PCDH8: variants seen among roughly 807,000 people sequenced by gnomAD.
PCDH8 encodes the protein protocadherin-8.
A neutral mutation model predicts 58.2 loss-of-function variants in PCDH8; 36 were observed. The observed-to-expected ratio is 0.62, with a 90% CI of 0.47 to 0.82. The LOEUF (loss-of-function observed/expected upper bound fraction) is 0.82, where lower values mean the gene tolerates loss of function less well. Ranked by LOEUF, PCDH8 falls within the 40% of genes least tolerant of loss-of-function variation. PCDH8 has a pLI of 0.00. For synonymous variants in PCDH8, 775 were observed against 728.9 expected, an observed-to-expected ratio of 1.06 and a Z score of -1.02; for missense variants, 1,493 against 1,567.8, an observed-to-expected ratio of 0.95 and a Z score of 0.81.
rs1481940757 is a variant in PCDH8 at position 52,845,851 on chromosome 13, G to T, written c.2586C>A (p.Ala862=). The T allele has an allele frequency of 1.3e-6, 2 of 1,518,268 alleles. No individual in the cohort carries two copies. Among genetic ancestry groups the T allele is most frequent in the Non-Finnish European group, 1.8e-6 (2 of 1,140,862 alleles). The allele number at this position is 1,518,268 out of a possible 1,614,324, so 94.0% of individuals were successfully genotyped here. ...SEGGSATGES[A]CHFEGQQRLR... ...GCCGCTGCTGCCCCTCGAAGTGACA[G>T]GCGCTTTCCCCAGTGGCGCTGCCGC... Residue 862 remains alanine (A), a synonymous_variant, in exon 1 of 3, where the codon GCC becomes GCA. Coordinates refer to ENST00000377942, the MANE Select transcript of PCDH8 (RefSeq NM_002590.4).
At position 52,847,588 on chromosome 13, in the gene PCDH8, G is replaced by A; in HGVS notation, c.849C>T (p.Phe283=). 6.4e-7 allele frequency: 1 copy of A among 1,564,776 alleles called. No homozygotes were observed. The highest frequency in any genetic ancestry group is 8.6e-7 in the Non-Finnish European group (1 of 1,163,454). ...CCGGCGGGGTGCGGGCGCCAAATGC[G>A]AACACCACGTCGCCGTTAGGTCCCT... ...PDEGPNGDVV[F]AFGARTPPEA... The change falls in exon 1 of 3, where the codon TTC becomes TTT. Residue 283 remains phenylalanine, a synonymous_variant. Transcript: ENST00000377942.
rs951287731 is a variant in PCDH8, at chr13:52,846,778, C to T, written c.1659G>A (p.Ser553=). 4.5e-6 allele frequency: 7 copies of T among 1,569,980 alleles called. No individual in the cohort carries two copies. In the Admixed American group the frequency reaches 1.3e-4, roughly 28 times the overall value. The change falls in exon 1 of 3, where the codon TCG becomes TCA. Residue 553 remains serine, a synonymous_variant. Coordinates refer to ENST00000377942, the MANE Select transcript of PCDH8 (RefSeq NM_002590.4). ...RAGGAVSTYV[S]VDPATGAIYA... ...AGATGGCTCCGGTAGCTGGGTCCAC[C>T]GAGACATAAGTGGACACGGCGCCCC...
rs777955623 is a variant in PCDH8, at chr13:52,848,258, T to C, written c.179A>G (p.Asp60Gly). ...TTGCTTCATCAGGCGGAAGCTTGTG[T>C]CACCCGATACTTTCATATGCAGGTC... ...AEDLHMKVSG[D>G]TSFRLMKQFN... Residue 60 changes from aspartate (D) to glycine (G), a missense_variant, in exon 1 of 3, where the codon GAC (aspartate) becomes GGC (glycine). Physicochemically the swap from Asp to Gly is moderately conservative, Grantham distance 94. Coordinates refer to ENST00000377942, the MANE Select transcript of PCDH8 (RefSeq NM_002590.4). 3 of 1,613,688 alleles carry C rather than the reference T, an allele frequency of 1.9e-6. No individual in the cohort carries two copies. In the Admixed American group the frequency reaches 5.0e-5, roughly 27 times the overall value.
At position 52,846,958 on chromosome 13, in the gene PCDH8, G is replaced by T; in HGVS notation, c.1479C>A (p.Asn493Lys). The T allele has an allele frequency of 6.3e-7, 1 of 1,596,640 alleles. No homozygotes were observed. Among genetic ancestry groups the T allele is most frequent in the Non-Finnish European group, 8.5e-7 (1 of 1,174,552 alleles). ...AGACCGGCCGCGTGAAGAGCGGCGC[G>T]TTGTCGTTCTCGTCGCCCACACGCA... is the stretch of plus-strand genomic sequence containing the variant. ...YTVRVGDEND[N>K]APLFTRPVYE... Residue 493 changes from asparagine (N) to lysine (K), a missense_variant, in exon 1 of 3, where the codon AAC becomes AAA. By Grantham distance (94) the Asn-to-Lys change is moderately conservative. Coordinates refer to ENST00000377942, the MANE Select transcript of PCDH8 (RefSeq NM_002590.4).
At position 52,843,866 on chromosome 13, in the gene PCDH8, C is replaced by T. The variant is rs1593423494; in HGVS notation, c.*694G>A. On this transcript the variant is annotated 3_prime_UTR_variant, in exon 3 of 3. Transcript: ENST00000377942. ...CCTACAGGTTTAATATTGTCATGAA[C>T]ATTAATAATGCCCAAATAATTAGCA... is the stretch of plus-strand genomic sequence containing the variant. The T allele has an allele frequency of 6.6e-6, 1 of 152,342 alleles. No homozygotes were observed. Among genetic ancestry groups the T allele is most frequent in the East Asian group, 1.9e-4 (1 of 5,190 alleles). 9.4% of individuals were successfully genotyped at this position (152,342 alleles called of 1,614,324 possible).
At position 52,847,780 on chromosome 13, in the gene PCDH8, G is replaced by T; in HGVS notation, c.657C>A (p.Asp219Glu). 6.8e-7 allele frequency: 1 copy of T among 1,466,148 alleles called. No homozygotes were observed. The highest frequency in any genetic ancestry group is 8.9e-7 in the Non-Finnish European group (1 of 1,118,376). 90.8% of individuals were successfully genotyped at this position (1,466,148 alleles called of 1,614,324 possible). A position where few individuals can be genotyped will look rare whatever the true frequency, so the allele number is the denominator to read the frequency against. The change falls in exon 1 of 3, where the codon GAC (aspartate) becomes GAA (glutamate). Residue 219 changes from aspartate to glutamate, a missense_variant. Around this residue, in one of 3 missense-constraint regions of PCDH8, gnomAD observed 1,307 missense variants for 1,362.7 expected, o/e 0.96. Coordinates refer to ENST00000377942, the MANE Select transcript of PCDH8 (RefSeq NM_002590.4). The stretch of plus-strand genomic sequence containing the variant: ...TGGCGGAGCGCGGCGGGCGGCCGCC[G>T]TCCTGGGCCACCAGCTCCAGGCTGT... ...AAYSLELVAQDGGRPPRSATA... is the reference protein window; with the variant it reads ...AAYSLELVAQEGGRPPRSATA...
chr13:52,844,599 C>T lies in PCDH8; in HGVS notation c.3174G>A (p.Arg1058=). Residue 1058 remains arginine, a synonymous_variant, in exon 3 of 3, where the codon AGG becomes AGA. Transcript: ENST00000377942. ...GVPLYQSPPG[R]YLSPKKGANE... ...TGGCTCCCTTCTTCGGGGACAGGTA[C>T]CTGCCAGGAGGGGACTGGTAGAGGG... 2 of 1,606,188 alleles carry T rather than the reference C, an allele frequency of 1.2e-6. No individual in the cohort carries two copies. Among genetic ancestry groups the T allele is most frequent in the South Asian group, 1.1e-5 (1 of 89,978 alleles).
Position 52,844,776 on chromosome 13 carries a change from G to A in PCDH8, c.2997C>T (p.Arg999=). ...KSTSLPRDPL[R]RDNYYQAQLP... ...GCTGGGCCTGGTAGTAATTGTCCCT[G>A]CGCAGAGGATCCCGAGGCAGTGACG... Residue 999 remains arginine, a synonymous_variant, in exon 3 of 3, where the codon CGC becomes CGT. Coordinates refer to ENST00000377942, the MANE Select transcript of PCDH8 (RefSeq NM_002590.4). 1 of 1,613,474 alleles carries A rather than the reference G, an allele frequency of 6.2e-7. No homozygotes were observed. Among genetic ancestry groups the A allele is most frequent in the Non-Finnish European group, 8.5e-7 (1 of 1,179,696 alleles).
Position 52,846,870 on chromosome 13 carries a change from C to A in PCDH8, c.1567G>T (p.Asp523Tyr). 6.4e-7 allele frequency: 1 copy of A among 1,551,176 alleles called. No individual in the cohort carries two copies. The highest frequency in any genetic ancestry group is 8.7e-7 in the Non-Finnish European group (1 of 1,152,686). Reference sequence around the variant, plus strand: ...TGGCCGTTGCGGCCCAGGTCCCGGTCGCGGGCGGCCACCGTGGCCAGGTAG... The same window carrying A: ...TGGCCGTTGCGGCCCAGGTCCCGGTAGCGGGCGGCCACCGTGGCCAGGTAG... ...GAYLATVAARDRDLGRNGQVT... is the reference protein window; with the variant it reads ...GAYLATVAARYRDLGRNGQVT... Residue 523 changes from aspartate to tyrosine, a missense_variant, in exon 1 of 3, where the codon GAC becomes TAC. Asp to Tyr is a radical substitution (Grantham distance 160, BLOSUM62 -3). Transcript: ENST00000377942.
Position 52,848,343 on chromosome 13 carries a change from C to G in PCDH8, c.94G>C (p.Val32Leu), listed in dbSNP as rs983008333. 6 of 1,612,922 alleles carry G rather than the reference C, an allele frequency of 3.7e-6. No homozygotes were observed. Among genetic ancestry groups the G allele is most frequent in the African/African-American group, 2.7e-5 (2 of 74,948 alleles). Reference sequence around the variant, plus strand: ...TCCTCCTCGAAGGTGCTGTATCGGACTGTTTTGCTCTGGGCCACTGAGAGC... The same window carrying G: ...TCCTCCTCGAAGGTGCTGTATCGGAGTGTTTTGCTCTGGGCCACTGAGAGC... Reference protein sequence around the residue: ...WVLSVAQSKTVRYSTFEEDAP... With the variant: ...WVLSVAQSKTLRYSTFEEDAP... Residue 32 changes from valine (V) to leucine (L), a missense_variant, in exon 1 of 3, where the codon GTC (valine) becomes CTC (leucine). Val to Leu is a conservative substitution (Grantham distance 32). Coordinates refer to ENST00000377942, the MANE Select transcript of PCDH8 (RefSeq NM_002590.4).
Position 52,847,449 on chromosome 13 carries a change from C to A in PCDH8, c.988G>T (p.Gly330Ter), listed in dbSNP as rs1434594325. ...CAGGTGGCAGCGCGGGGCCCGGGTCCGCGGTCCTGCGCCCGCACGTCCAGC... is the reference window on the plus strand; with the variant it reads ...CAGGTGGCAGCGCGGGGCCCGGGTCAGCGGTCCTGCGCCCGCACGTCCAGC... ...YELDVRAQDRGPGPRAATCKV... is the reference protein window; with the variant it reads ...YELDVRAQDR The change falls in exon 1 of 3, where the codon GGA (glycine) becomes TGA (stop). Residue 330 changes from glycine (G) to a stop codon, truncating the protein, a stop_gained. Coordinates refer to ENST00000377942, the MANE Select transcript of PCDH8 (RefSeq NM_002590.4). LOFTEE classifies it high-confidence loss of function. The A allele has an allele frequency of 6.3e-7, 1 of 1,587,670 alleles. No homozygotes were observed. The highest frequency in any genetic ancestry group is 2.3e-5 in the East Asian group (1 of 42,604).
chr13:52,844,309 A>T lies in PCDH8; in HGVS notation c.*251T>A, dbSNP rs1026993478. 3.3e-6 allele frequency: 1 copy of T among 305,600 alleles called. No individual in the cohort carries two copies. Among genetic ancestry groups the T allele is most frequent in the Non-Finnish European group, 6.0e-6 (1 of 165,744 alleles). The allele number at this position is 305,600 out of a possible 1,614,324, so 18.9% of individuals were successfully genotyped here. A position where few individuals can be genotyped will look rare whatever the true frequency, so the allele number is the denominator to read the frequency against. Reference sequence around the variant, plus strand: ...TGTACAGGTTAAAAACACTAAGAAAATGGCAAGCCGCAATTGAAATCAAAG... The same window carrying T: ...TGTACAGGTTAAAAACACTAAGAAATTGGCAAGCCGCAATTGAAATCAAAG... On this transcript the variant is annotated 3_prime_UTR_variant, in exon 3 of 3. Coordinates refer to ENST00000377942, the MANE Select transcript of PCDH8 (RefSeq NM_002590.4).
chr13:52,846,883 C>G lies in PCDH8; in HGVS notation c.1554G>C (p.Thr518=), dbSNP rs1396071362. The G allele has an allele frequency of 6.4e-7, 1 of 1,560,632 alleles. No individual in the cohort carries two copies. Reference sequence around the variant, plus strand: ...CCAGGTCCCGGTCGCGGGCGGCCACCGTGGCCAGGTAGGCGCCTGGCGGGT... The same window carrying G: ...CCAGGTCCCGGTCGCGGGCGGCCACGGTGGCCAGGTAGGCGCCTGGCGGGT... ...ENNPPGAYLA[T]VAARDRDLGR... The change falls in exon 1 of 3, where the codon ACG becomes ACC. Residue 518 remains threonine, a synonymous_variant. Transcript: ENST00000377942.
Position 52,847,463 on chromosome 13 carries a change from C to A in PCDH8, c.974G>T (p.Arg325Leu). ...GGGCCCGGGTCCGCGGTCCTGCGCC[C>A]GCACGTCCAGCTCGTAGGTGTCCTG... ...ERQDTYELDV[R>L]AQDRGPGPRA... Residue 325 changes from arginine to leucine, a missense_variant, in exon 1 of 3, where the codon CGG (arginine) becomes CTG (leucine). Arg to Leu is a moderately radical substitution (Grantham distance 102). Transcript: ENST00000377942. 2.5e-6 allele frequency: 4 copies of A among 1,591,182 alleles called. No individual in the cohort carries two copies. Among genetic ancestry groups the A allele is most frequent in the Non-Finnish European group, 3.4e-6 (4 of 1,175,124 alleles).
rs757991606 is a variant in PCDH8 at position 52,844,291 on chromosome 13, GT to G, written c.*268del. ...AAACATTACATTACACAATGTACAG[GT>G]TAAAAACACTAAGAAAATGGCAAGC... On this transcript the variant is annotated 3_prime_UTR_variant, in exon 3 of 3. Coordinates refer to ENST00000377942, the MANE Select transcript of PCDH8 (RefSeq NM_002590.4). 1 of 270,052 alleles carries G rather than the reference GT, an allele frequency of 3.7e-6. No individual in the cohort carries two copies. The highest frequency in any genetic ancestry group is 7.0e-6 in the Non-Finnish European group (1 of 143,412). The allele number at this position is 270,052 out of a possible 1,614,324, so 16.7% of individuals were successfully genotyped here.
chr13:52,845,734 C>A (rs1965719099), intron 1 of PCDH8, 72 bp downstream of exon 1: 1 of 1,516,550 alleles, frequency 6.6e-7, no homozygotes, highest in Non-Finnish European at 8.8e-7. Context: ...CCCACCCTAC[C>A]CCTCCAGTCT....
chr13:52,845,382 G>A lies in PCDH8; in HGVS notation c.2839+43C>T, dbSNP rs764019103. The A allele has an allele frequency of 3.2e-6, 5 of 1,570,524 alleles. No homozygotes were observed. In the South Asian group the frequency reaches 5.6e-5, roughly 17 times the overall value. On this transcript the variant is annotated intron_variant, in intron 2 of 2. Coordinates refer to ENST00000377942, the MANE Select transcript of PCDH8 (RefSeq NM_002590.4). ...GAGGCAAACAGTGGTGAAGGGGAGG[G>A]AAGGGAGGAATGCCGAATTTGGCGG...
Position 52,847,240 on chromosome 13 carries a change from C to G in PCDH8, c.1197G>C (p.Ser399=), listed in dbSNP as rs764902324. 1.9e-5 allele frequency: 26 copies of G among 1,389,694 alleles called. No homozygotes were observed. The highest frequency in any genetic ancestry group is 4.0e-4 in the Middle Eastern group (2 of 4,954). 86.1% of individuals were successfully genotyped at this position (1,389,694 alleles called of 1,614,324 possible). Residue 399 remains serine (S), a synonymous_variant, in exon 1 of 3, where the codon TCG becomes TCC. Coordinates refer to ENST00000377942, the MANE Select transcript of PCDH8 (RefSeq NM_002590.4). ...CGCGCGCCGCCCCCTCCGGCACCAG[C>G]GAAGTGGCACCAGCCTCCGGCGTCC... The part of the protein sequence containing the change: ...GAGTPEAGAT[S]LVPEGAARES...
At chr13:52,845,723 A>C (rs1000723541) in intron 1 of PCDH8, 83 bp downstream of exon 1, 4 of 1,518,062 alleles carry the variant, frequency 2.6e-6, no homozygotes, top group Middle Eastern at 2.3e-4. Context: ...ACCTGAATGC[A>C]CCCACCCTAC....
Sources: gnomAD v4.1 joint callset for allele counts on GRCh38, gnomAD v4.1.1 for gene constraint, gnomAD v4.1.1 regional missense constraint, MANE v1.5 for transcripts, NCBI Gene and HGNC (gene_info 2026-07-23, HGNC 2026-07-21) for gene names.